The following NBAS variants were observed in gnomAD, a reference collection of about 807,000 sequenced individuals.
The protein encoded by NBAS is NBAS subunit of NRZ tethering complex, also known as NAG/BC035112 fusion.
A neutral mutation model predicts 302.5 loss-of-function variants in NBAS; 219 were observed. That is an observed-to-expected ratio of 0.72 (90% CI 0.65 to 0.81). NBAS has a LOEUF of 0.81. NBAS is among the 30% of genes least tolerant of loss of function. The probability of loss-of-function intolerance (pLI) is 0.00; values close to 1 mark genes in which losing one functional copy is unlikely to be tolerated. For synonymous variants in NBAS, 1,118 were observed against 1,021.6 expected, an observed-to-expected ratio of 1.09 and a Z score of -1.80; for missense variants, 2,932 against 2,841.6, an observed-to-expected ratio of 1.03 and a Z score of -0.72.
the NBAS span, among the ~76,000 whole-genome samples, chr2:14,780,237 A>G: frequency 2.0e-5 from 3 of 152,242 alleles, no homozygotes; most frequent in Admixed American, 6.5e-5. Flanking sequence ...GATATGAAAA[A>G]TGATTTTTGA....
the NBAS span, among the ~76,000 whole-genome samples, chr2:14,959,631 C>A: frequency 6.6e-6 from 1 of 152,204 alleles, no homozygotes; most frequent in Non-Finnish European, 1.5e-5. Context: ...AATTCTTATA[C>A]ATCGGTCACA....
intron 27 of NBAS, among the ~76,000 whole-genome samples, chr2:15,395,023 C>T (rs3805104): frequency 0.51 from 76,871 of 151,816 alleles, 22,990 homozygotes; most frequent in Non-Finnish European, 0.67. Flanking sequence ...AGTCGCCTGG[C>T]ATTATGTATA....
the NBAS span, among the ~76,000 whole-genome samples, chr2:14,824,678 G>C: frequency 1.3e-4 from 20 of 152,140 alleles, no homozygotes. Context: ...TGGCGGGGCA[G>C]AGGTGCTGGT....
intron 42 of NBAS, 69 bp from the exon 43 acceptor site, chr2:15,277,170 C>T: frequency 6.4e-7 from 1 of 1,563,978 alleles, no homozygotes. Context: ...TTTTTTTAAC[C>T]AAGGAAGAAA....
At chr2:14,992,667 T>G in the NBAS span, among the ~76,000 whole-genome samples, 11 of 152,308 alleles carry the variant, frequency 7.2e-5, no homozygotes, top group South Asian at 1.9e-3. Flanking sequence ...GGGGACACTC[T>G]TAGGAGGCCC....
chr2:15,549,649 G>C (rs1188576368), intron 6 of NBAS, among the ~76,000 whole-genome samples: 2 of 152,124 alleles, frequency 1.3e-5, no homozygotes, highest in East Asian at 3.9e-4. Flanking sequence ...GATCACCTGA[G>C]CCCAGGAGGT....
chr2:15,279,844 C>T (rs1385330315), intron 42 of NBAS, among the ~76,000 whole-genome samples: 1 of 152,116 alleles, frequency 6.6e-6, no homozygotes, highest in African/African-American at 2.4e-5. Flanking sequence ...AAGAAAGAAG[C>T]TGTTATCTTC....
intron 51 of NBAS, among the ~76,000 whole-genome samples, chr2:15,171,561 T>C (rs191449025): frequency 1.3e-5 from 2 of 152,234 alleles, no homozygotes; most frequent in Admixed American, 1.3e-4. Context: ...AACACTACCA[T>C]GAATGTTTTT....
intron 50 of NBAS, among the ~76,000 whole-genome samples, chr2:15,181,102 C>G (rs1664798741): frequency 6.6e-6 from 1 of 152,188 alleles, no homozygotes; most frequent in Non-Finnish European, 1.5e-5. Flanking sequence ...TCTCTGTATT[C>G]TAAACTTGCT....
the NBAS span, among the ~76,000 whole-genome samples, chr2:14,979,419 G>A: frequency 1.4e-4 from 21 of 152,214 alleles, no homozygotes; most frequent in Middle Eastern, 3.4e-3. Context: ...AAACAACTAC[G>A]ATTTATTAAA....
At chr2:14,807,820 G>A in the NBAS span, among the ~76,000 whole-genome samples, 2 of 152,058 alleles carry the variant, frequency 1.3e-5, no homozygotes, top group African/African-American at 2.4e-5. Flanking sequence ...AGTAACAAAC[G>A]CTCTGAAGAT....
chr2:14,954,533 T>C, the NBAS span, among the ~76,000 whole-genome samples: 748 of 152,250 alleles, frequency 4.9e-3, 8 homozygotes, highest in African/African-American at 0.017. Context: ...GTTGTATTAG[T>C]CCCTTCTCAT....
In NBAS at chr2:15,523,909, G is replaced by A. The variant is rs13391224; in HGVS notation, c.746+10634C>T. Among the ~76,000 whole-genome samples the A allele has an allele frequency of 1.2e-4, 18 of 152,120 alleles. 1 individual carries two copies. The highest frequency in any genetic ancestry group is 4.1e-4 in the African/African-American group (17 of 41,444). ...AGCCTGGGGAACAGAGTGAGATTCT[G>A]TCTCTAAATAAATAAATAAATAAAC... On this transcript the variant is annotated intron_variant, in intron 9 of 51. Coordinates refer to ENST00000281513, the MANE Select transcript of NBAS (RefSeq NM_015909.4).
chr2:15,046,365 T>TA, the NBAS span, among the ~76,000 whole-genome samples: 4 of 152,212 alleles, frequency 2.6e-5, no homozygotes, highest in African/African-American at 7.2e-5. Flanking sequence ...TTTAAGAATA[T>TA]AAAAAATCTC....
chr2:14,820,948 G>C, the NBAS span, among the ~76,000 whole-genome samples: 1 of 148,290 alleles, frequency 6.7e-6, no homozygotes, highest in Non-Finnish European at 1.5e-5. Flanking sequence ...TTTTTTTTCC[G>C]AGACGGAGTC....
Position 15,167,109 on chromosome 2 carries a change from C to T in NBAS, c.7055G>A (p.Gly2352Glu), listed in dbSNP as rs1664054764. The stretch of plus-strand genomic sequence containing the variant: ...GAAGGTTCTGAAGGCCTGGTGAGTC[C>T]CCCTCACGGCCAGAAGGAGAGACCC... Reference protein sequence around the residue: ...EAGSLLLAVRGTHQAFRTFST... With the variant: ...EAGSLLLAVRETHQAFRTFST... Residue 2352 changes from glycine (G) to glutamate (E), a missense_variant, in exon 52 of 52, where the codon GGG becomes GAG. Transcript: ENST00000281513. 1.2e-6 allele frequency: 2 copies of T among 1,613,460 alleles called. No individual in the cohort carries two copies. The highest frequency in any genetic ancestry group is 1.7e-5 in the Admixed American group (1 of 59,994).
At chr2:15,438,675 G>A (rs1678160270) in intron 21 of NBAS, among the ~76,000 whole-genome samples, 1 of 152,206 alleles carries the variant, frequency 6.6e-6, no homozygotes, top group Non-Finnish European at 1.5e-5. Context: ...GAGCCTGGCA[G>A]GCCTTCTGGG....
chr2:14,825,504 T>C, the NBAS span, among the ~76,000 whole-genome samples: 1 of 152,196 alleles, frequency 6.6e-6, no homozygotes, highest in African/African-American at 2.4e-5. Context: ...AACTAAATGC[T>C]AATCATCCAG....
chr2:15,189,377 T>C (rs1665236099), intron 49 of NBAS, among the ~76,000 whole-genome samples: 1 of 152,220 alleles, frequency 6.6e-6, no homozygotes, highest in Non-Finnish European at 1.5e-5. Context: ...TCACAGGATA[T>C]AGGACTTTAT....
Sources: allele counts gnomAD v4.1 joint callset (sites outside exome capture counted in the v4.1 genomes callset), GRCh38; gene constraint gnomAD v4.1.1; transcripts MANE v1.5; gene names NCBI Gene and HGNC (gene_info 2026-07-23, HGNC 2026-07-21).